Variants in OAS2 observed in about 807,000 individuals in gnomAD.
OAS2 encodes 2'-5'-oligoadenylate synthase 2.
Under a neutral mutation model 71.3 loss-of-function variants are expected in OAS2, and 67 were observed. The ratio of observed to expected loss-of-function variants is 0.94; its 90% CI spans 0.77 to 1.15. OAS2 has a LOEUF of 1.15. Ranked by LOEUF, OAS2 falls within the 50% of genes most tolerant of loss-of-function variation. OAS2 has a pLI of 0.00. For synonymous variants in OAS2, 327 were observed against 321.8 expected (o/e 1.02, Z -0.17); for missense variants, 789 against 822.5 (o/e 0.96, Z 0.50).
chr12:113,007,628 C>T (rs1354731546), intron 8 of OAS2, 77 bp from the exon 9 acceptor site: 1 of 1,178,686 alleles, frequency 8.5e-7, no homozygotes, highest in Non-Finnish European at 1.2e-6. Context: ...GACTCAGTTG[C>T]CTTGCTGTGG....
chr12:112,978,907 G>A lies in OAS2; in HGVS notation c.177+122G>A. The A allele has an allele frequency of 2.1e-6, 2 of 932,698 alleles. No homozygotes were observed. The highest frequency in any genetic ancestry group is 1.6e-6 in the Non-Finnish European group (1 of 630,446). 57.8% of individuals were successfully genotyped at this position (932,698 alleles called of 1,614,324 possible). ...GGCCCACACTTGGGTGGGATGTGGT[G>A]TAGGAGTCTCAGGCTCTGGAGCAGG... On this transcript the variant is annotated intron_variant, in intron 1 of 9. Transcript: ENST00000392583. This position sits in a 1 kb window ranked among gnomAD's most constrained non-coding sequence, Gnocchi z 4.2.
At chr12:113,004,137 G>A (rs1001621385) in intron 6 of OAS2, among the ~76,000 whole-genome samples, 1 of 152,182 alleles carries the variant, frequency 6.6e-6, no homozygotes, top group Non-Finnish European at 1.5e-5. Flanking sequence ...CCAGAGGAAG[G>A]TGACACCTAG....
At position 112,997,647 on chromosome 12, in the gene OAS2, T is replaced by C. The variant is rs1248608649; in HGVS notation, c.755T>C (p.Leu252Pro). 1.2e-5 allele frequency: 20 copies of C among 1,614,160 alleles called. No homozygotes were observed. Among genetic ancestry groups the C allele is most frequent in the Non-Finnish European group, 1.7e-5 (20 of 1,180,002 alleles). Residue 252 changes from leucine to proline, a missense_variant, in exon 4 of 10, where the codon CTG (leucine) becomes CCG (proline). Transcript: ENST00000392583. ...ATTGCTGAAGGCGTCAGAACCGTAC[T>C]GGAGCTGATCAAATGCCAGGAGAAG... is the stretch of plus-strand genomic sequence containing the variant. Reference protein sequence around the residue: ...FDIAEGVRTVLELIKCQEKLC... With the variant: ...FDIAEGVRTVPELIKCQEKLC...
At position 113,010,560 on chromosome 12, in the gene OAS2, G is replaced by A; in HGVS notation, c.*1305G>A. ...CACTCACATCCATTCTTCCCTTGAT[G>A]GTCCCTATTCCTCCTTCCCTTGCTT... On this transcript the variant is annotated 3_prime_UTR_variant, in exon 10 of 10. Coordinates refer to ENST00000392583, the MANE Select transcript of OAS2 (RefSeq NM_002535.3). 6.4e-7 allele frequency: 1 copy of A among 1,571,706 alleles called. No homozygotes were observed. Among genetic ancestry groups the A allele is most frequent in the Admixed American group, 1.8e-5 (1 of 55,344 alleles).
intron 9 of OAS2, 104 bp from the exon 10 acceptor site, chr12:113,008,983 G>A (rs1289991723): frequency 9.2e-6 from 14 of 1,517,330 alleles, no homozygotes; most frequent in South Asian, 1.4e-5. Flanking sequence ...CATCTAAGCT[G>A]TAAGAACACA....
intron 2 of OAS2, among the ~76,000 whole-genome samples, chr12:112,994,396 T>C (rs2044218084): frequency 6.6e-6 from 1 of 152,194 alleles, no homozygotes; most frequent in Non-Finnish European, 1.5e-5. Context: ...TCAGTAACAG[T>C]AATCAATCAA....
intron 6 of OAS2, among the ~76,000 whole-genome samples, chr12:113,003,760 C>T (rs1046729383): frequency 6.6e-6 from 1 of 152,120 alleles, no homozygotes; most frequent in Non-Finnish European, 1.5e-5. Flanking sequence ...ACCAGATAAA[C>T]GTGTCCCCGT....
intron 8 of OAS2, among the ~76,000 whole-genome samples, chr12:113,007,191 T>C (rs1026087435): frequency 6.6e-6 from 1 of 152,192 alleles, no homozygotes; most frequent in Non-Finnish European, 1.5e-5. Context: ...TCAAGCACGA[T>C]ATCAGCTCTT....
intron 5 of OAS2, among the ~76,000 whole-genome samples, chr12:112,999,696 C>T (rs2044266898): frequency 6.6e-6 from 1 of 152,162 alleles, no homozygotes; most frequent in East Asian, 1.9e-4. Context: ...GCTCTCTGAC[C>T]CCAATTTTCC....
chr12:112,978,567 C>A lies in OAS2; in HGVS notation c.-42C>A, dbSNP rs761903267. On this transcript the variant is annotated 5_prime_UTR_variant, in exon 1 of 10. Transcript: ENST00000392583. This position sits in a 1 kb window ranked among gnomAD's most constrained non-coding sequence, Gnocchi z 4.2. The stretch of plus-strand genomic sequence containing the variant: ...CAGCAGCAAGAATTCCTCTGCCTCC[C>A]ATCCTACCATTCACTGTCTTGCCGG... 1.2e-6 allele frequency: 2 copies of A among 1,607,290 alleles called. No individual in the cohort carries two copies. Among genetic ancestry groups the A allele is most frequent in the Non-Finnish European group, 1.7e-6 (2 of 1,174,754 alleles).
At chr12:113,000,087 A>G (rs1327192847) in intron 5 of OAS2, among the ~76,000 whole-genome samples, 1 of 152,156 alleles carries the variant, frequency 6.6e-6, no homozygotes, top group Non-Finnish European at 1.5e-5. Flanking sequence ...TTGAGAGTAG[A>G]CTGCCAGACA....
intron 2 of OAS2, among the ~76,000 whole-genome samples, chr12:112,991,503 A>C (rs981062066): frequency 1.3e-5 from 2 of 150,604 alleles, no homozygotes; most frequent in African/African-American, 4.8e-5. Context: ...AACATATGTA[A>C]GGTGAACAAT....
In OAS2 at chr12:113,007,908, G is replaced by A. The variant is rs773361481; in HGVS notation, c.1860G>A (p.Val620=). ...ATTACAACTTTGAAGATGAGACCGTGAGGAAGTTTCTACTGAGCCAGTTGC... is the reference window on the plus strand; with the variant it reads ...ATTACAACTTTGAAGATGAGACCGTAAGGAAGTTTCTACTGAGCCAGTTGC... ...KVNYNFEDET[V]RKFLLSQLQK... The change falls in exon 9 of 10, where the codon GTG becomes GTA. Residue 620 remains valine, a synonymous_variant. Transcript: ENST00000392583. 2.2e-5 allele frequency: 36 copies of A among 1,614,036 alleles called. No homozygotes were observed. The highest frequency in any genetic ancestry group is 3.1e-5 in the Non-Finnish European group (36 of 1,180,006).
intron 6 of OAS2, among the ~76,000 whole-genome samples, chr12:113,004,007 A>G (rs940420321): frequency 2.0e-5 from 3 of 152,234 alleles, no homozygotes; most frequent in African/African-American, 7.2e-5. Flanking sequence ...AACCCCATTC[A>G]CATGATAGTC....
intron 2 of OAS2, 57 bp downstream of exon 2, chr12:112,987,365 C>T (rs1447181356): frequency 6.2e-7 from 1 of 1,602,744 alleles, no homozygotes; most frequent in Non-Finnish European, 8.5e-7. Flanking sequence ...CCAGACAGCT[C>T]TGTGCAACCT....
At chr12:112,989,789 T>C (rs1317039989) in intron 2 of OAS2, among the ~76,000 whole-genome samples, 1 of 152,204 alleles carries the variant, frequency 6.6e-6, no homozygotes, top group Admixed American at 6.5e-5. Flanking sequence ...ATGCCTTTGC[T>C]GAGAGGAGAG....
In OAS2 at chr12:113,006,465, T is replaced by G; in HGVS notation, c.1521T>G (p.Ile507Met). Residue 507 changes from isoleucine to methionine, a missense_variant, in exon 8 of 10, where the codon ATT becomes ATG. Physicochemically the swap from Ile to Met is conservative, Grantham distance 10 (BLOSUM62 1). Coordinates refer to ENST00000392583, the MANE Select transcript of OAS2 (RefSeq NM_002535.3). The part of the protein sequence containing the change: ...TPSPEVYAGL[I>M]DLYKSSDLPG... The stretch of plus-strand genomic sequence containing the variant: ...GCCCCGAGGTTTATGCAGGGCTCAT[T>G]GATCTGTATAAATCCTCGGACCTCC... 1 of 1,607,998 alleles carries G rather than the reference T, an allele frequency of 6.2e-7. No individual in the cohort carries two copies. Among genetic ancestry groups the G allele is most frequent in the Non-Finnish European group, 8.5e-7 (1 of 1,175,222 alleles).
chr12:112,980,497 T>C (rs1443412595), intron 1 of OAS2, among the ~76,000 whole-genome samples: 1 of 152,228 alleles, frequency 6.6e-6, no homozygotes, highest in Non-Finnish European at 1.5e-5. Context: ...CAATATTGTC[T>C]TTCTATGCCT....
intron 1 of OAS2, among the ~76,000 whole-genome samples, chr12:112,981,896 T>C (rs1312627287): frequency 6.6e-6 from 1 of 152,178 alleles, no homozygotes; most frequent in Admixed American, 6.5e-5. Flanking sequence ...CTTTTATCAG[T>C]GTTTTGTAGT....
Sources: allele counts gnomAD v4.1 joint callset (sites outside exome capture counted in the v4.1 genomes callset), GRCh38; gene constraint gnomAD v4.1.1; non-coding constraint Gnocchi (gnomAD v3.1); transcripts MANE v1.5; gene names NCBI Gene and HGNC (gene_info 2026-07-23, HGNC 2026-07-21).